The following NID2 variants were observed in gnomAD, a reference collection of about 807,000 sequenced individuals.
NID2 encodes the protein nidogen-2.
In NID2, 83 loss-of-function variants were observed where a neutral mutation model predicts 145.4. That is an observed-to-expected ratio of 0.57 (90% confidence interval 0.48 to 0.69). NID2 has a LOEUF of 0.69. NID2 is among the 30% of genes least tolerant of loss of function. The pLI is 0.00. For synonymous variants in NID2, 739 were observed against 701.3 expected (o/e 1.05, Z -0.85); for missense variants, 1,807 against 1,765.7 (o/e 1.02, Z -0.42).
intron 8 of NID2, 100 bp from the exon 9 acceptor site, chr14:52,039,077 G>A: frequency 1.2e-6 from 1 of 856,468 alleles, no homozygotes; most frequent in South Asian, 1.9e-5. Flanking sequence ...TTCTTGGAGT[G>A]TGTTCCCTTG....
At chr14:52,035,057 C>G (rs887265159) in intron 9 of NID2, among the ~76,000 whole-genome samples, 1 of 152,108 alleles carries the variant, frequency 6.6e-6, no homozygotes, top group African/African-American at 2.4e-5. Flanking sequence ...TGCAGTTTCC[C>G]CTATTATCAA....
At chr14:52,056,182 G>A (rs1306461834) in intron 3 of NID2, among the ~76,000 whole-genome samples, 1 of 152,096 alleles carries the variant, frequency 6.6e-6, no homozygotes, top group Non-Finnish European at 1.5e-5. Context: ...ATTAGAGGTG[G>A]TGCAACTATG....
rs985531042 is a variant in NID2, at chr14:52,068,782, T to C, written c.213A>G (p.Arg71=). The stretch of plus-strand genomic sequence containing the variant: ...CTGAACTTACGTAGAGGTTGCTGAA[T>C]CGGGCTTCGTAGAAGTGCAGGGGAT... ...LANPLHFYEA[R]FSNLYVGTNG... The change falls in exon 1 of 22, where the codon CGA becomes CGG. Residue 71 remains arginine, a synonymous_variant. Transcript: ENST00000216286. 14 of 1,604,626 alleles carry C rather than the reference T, an allele frequency of 8.7e-6. No homozygotes were observed. The highest frequency in any genetic ancestry group is 1.2e-5 in the Non-Finnish European group (14 of 1,179,388).
At position 52,015,285 on chromosome 14, in the gene NID2, T is replaced by C. The variant is rs781183775; in HGVS notation, c.3029-10A>G. On this transcript the variant is annotated splice_polypyrimidine_tract_variant and intron_variant, in intron 14 of 21. Transcript: ENST00000216286. ...GGCCTCTGGGTGGGCTCTGAGCAGATGGGGAAGAGGGAAGAAGAAAAACCT... is the reference window on the plus strand; with the variant it reads ...GGCCTCTGGGTGGGCTCTGAGCAGACGGGGAAGAGGGAAGAAGAAAAACCT... 6.3e-6 allele frequency: 10 copies of C among 1,597,684 alleles called. No homozygotes were observed. In the Admixed American group the frequency reaches 6.8e-5, roughly 11 times the overall value.
chr14:52,051,577 C>T (rs1306699873), intron 5 of NID2, among the ~76,000 whole-genome samples: 3 of 152,214 alleles, frequency 2.0e-5, no homozygotes, highest in African/African-American at 7.2e-5. Context: ...CACAGCTTCC[C>T]GGAGGAAGCC....
Position 52,007,849 on chromosome 14 carries a change from A to T in NID2, c.3841T>A (p.Phe1281Ile). ...CAGAGCAGTTTAGAGAAAGGGTCAA[A>T]GGTTAAGCCATTGGGCAATCCAATG... ...TDIGLPNGLTFDPFSKLLCWA... is the reference protein window; with the variant it reads ...TDIGLPNGLTIDPFSKLLCWA... Residue 1281 changes from phenylalanine (F) to isoleucine (I), a missense_variant, in exon 19 of 22, where the codon TTT becomes ATT. Coordinates refer to ENST00000216286, the MANE Select transcript of NID2 (RefSeq NM_007361.4). 1.2e-6 allele frequency: 2 copies of T among 1,613,900 alleles called. No individual in the cohort carries two copies. Among genetic ancestry groups the T allele is most frequent in the Non-Finnish European group, 1.7e-6 (2 of 1,179,896 alleles).
intron 5 of NID2, among the ~76,000 whole-genome samples, chr14:52,044,697 C>T (rs116637734): frequency 0.015 from 2,257 of 152,152 alleles, 60 homozygotes; most frequent in African/African-American, 0.052. Context: ...ACTGAAAGCT[C>T]GACTTCCCAG....
Position 52,019,123 on chromosome 14 carries a change from T to C in NID2, c.2966A>G (p.His989Arg), listed in dbSNP as rs746616149. The change falls in exon 14 of 22, where the codon CAT (histidine) becomes CGT (arginine). Residue 989 changes from histidine (H) to arginine (R), a missense_variant. His to Arg is a conservative substitution (Grantham distance 29, BLOSUM62 0). Coordinates refer to ENST00000216286, the MANE Select transcript of NID2 (RefSeq NM_007361.4). ...TGGAGTCTGGGTACCAGGAACTTCA[T>C]GACCATCAGGGTCCACGCACCAGCA... ...GFCWCVDPDG[H>R]EVPGTQTPPG... The C allele has an allele frequency of 5.0e-6, 8 of 1,614,026 alleles. No individual in the cohort carries two copies. The African/African-American group carries it at 9.3e-5, about 19-fold the overall frequency.
intron 18 of NID2, chr14:52,009,011 A>G (rs1250989672): frequency 6.6e-6 from 1 of 152,250 alleles, no homozygotes; most frequent in African/African-American, 2.4e-5. Context: ...GAGCAGAAAT[A>G]ATGTTGAAAG....
chr14:52,028,685 C>T (rs1215217844), intron 11 of NID2, 37 bp downstream of exon 11: 13 of 1,605,178 alleles, frequency 8.1e-6, no homozygotes, highest in East Asian at 2.2e-5. Flanking sequence ...TAAAGAGCAC[C>T]ATTTTGGCCA....
At chr14:52,033,618 C>A (rs55778836) in intron 9 of NID2, among the ~76,000 whole-genome samples, 150,803 of 152,358 alleles carry the variant, frequency 0.99, 74,656 homozygotes, top group Middle Eastern at 1. Context: ...ATTCCAACAA[C>A]TATCGTTCCC....
chr14:52,044,266 C>CTTTTT lies in NID2; in HGVS notation c.1430-1340_1430-1336dup, dbSNP rs55972168. ...ATATACAAGCTTTACATTTAACAAC[C>CTTTTT]TTTTTTTTTTTTTTTTTTTTTGAAA... is the stretch of plus-strand genomic sequence containing the variant. On this transcript the variant is annotated intron_variant, in intron 5 of 21. Coordinates refer to ENST00000216286, the MANE Select transcript of NID2 (RefSeq NM_007361.4). Among the ~76,000 whole-genome samples, 185 of 113,932 alleles carry CTTTTT rather than the reference C, an allele frequency of 1.6e-3. 8 individuals carry two copies. The highest frequency in any genetic ancestry group is 4.5e-3 in the African/African-American group (130 of 28,770). 74.7% of individuals were successfully genotyped at this position (113,932 alleles called of 152,430 possible).
chr14:52,056,815 C>T (rs749497455), intron 3 of NID2, among the ~76,000 whole-genome samples: 1 of 152,064 alleles, frequency 6.6e-6, no homozygotes, highest in Non-Finnish European at 1.5e-5. Flanking sequence ...AATAAAATGC[C>T]TATCACTGGC....
At chr14:52,041,857 G>C (rs1041073597) in intron 7 of NID2, among the ~76,000 whole-genome samples, 1 of 152,220 alleles carries the variant, frequency 6.6e-6, no homozygotes, top group Non-Finnish European at 1.5e-5. Flanking sequence ...CAAATGTTCT[G>C]AATGGAATCA....
At position 52,053,768 on chromosome 14, in the gene NID2, A is replaced by T. The variant is rs1351749023; in HGVS notation, c.1240T>A (p.Tyr414Asn). The T allele has an allele frequency of 1.2e-6, 2 of 1,614,076 alleles. No homozygotes were observed. Among genetic ancestry groups the T allele is most frequent in the Admixed American group, 3.3e-5 (2 of 60,000 alleles). The change falls in exon 5 of 22, where the codon TAC (tyrosine) becomes AAC (asparagine). Residue 414 changes from tyrosine (Y) to asparagine (N), a missense_variant. Transcript: ENST00000216286. ...GGCTGGATGCTTCCGTTTTCGGGGTACGGTGGTGGGGTTTCCCAGGAAGGA... is the reference window on the plus strand; with the variant it reads ...GGCTGGATGCTTCCGTTTTCGGGGTTCGGTGGTGGGGTTTCCCAGGAAGGA... ...LAPSWETPPPYPENGSIQPYP... is the reference protein window; with the variant it reads ...LAPSWETPPPNPENGSIQPYP...
At chr14:52,063,198 T>C (rs544333184) in intron 2 of NID2, among the ~76,000 whole-genome samples, 1 of 152,330 alleles carries the variant, frequency 6.6e-6, no homozygotes, top group Admixed American at 6.5e-5. Flanking sequence ...CATTCCTAGA[T>C]ACAAGCTTTT....
At chr14:52,012,394 A>AG (rs1444182387) in intron 16 of NID2, among the ~76,000 whole-genome samples, 2 of 152,212 alleles carry the variant, frequency 1.3e-5, no homozygotes, top group Non-Finnish European at 2.9e-5. Context: ...GCTTGAGCCC[A>AG]GGAGTTCGAG....
rs1258468003 is a variant in NID2 at position 52,053,748 on chromosome 14, G to A, written c.1260C>T (p.Ile420=). The A allele has an allele frequency of 1.9e-6, 3 of 1,614,118 alleles. No individual in the cohort carries two copies. In the African/African-American group the frequency reaches 4.0e-5, roughly 22 times the overall value. Residue 420 remains isoleucine (I), a synonymous_variant, in exon 5 of 22, where the codon ATC becomes ATT. Transcript: ENST00000216286. ...TPPPYPENGS[I]QPYPDGGPVP... ...CTGGCCCTCCATCTGGGTAGGGCTG[G>A]ATGCTTCCGTTTTCGGGGTACGGTG...
At chr14:52,035,825 C>G (rs12100751) in intron 9 of NID2, among the ~76,000 whole-genome samples, 1 of 106,836 alleles carries the variant, frequency 9.4e-6, no homozygotes, top group East Asian at 2.6e-4. Context: ...ACTACAGACA[C>G]ATGCCACCAC....
Sources: gnomAD v4.1 joint callset for allele counts (sites outside exome capture counted in the v4.1 genomes callset) on GRCh38, gnomAD v4.1.1 for gene constraint, MANE v1.5 for transcripts, NCBI Gene and HGNC (gene_info 2026-07-23, HGNC 2026-07-21) for gene names.